STPG2: variants seen among roughly 807,000 people sequenced by gnomAD.
The protein encoded by STPG2 is sperm-tail PG-rich repeat-containing protein 2.
A neutral mutation model predicts 54.2 loss-of-function variants in STPG2; 56 were observed. The ratio of observed to expected loss-of-function variants is 1.03; its 90% CI spans 0.83 to 1.29. The LOEUF (loss-of-function observed/expected upper bound fraction) is 1.29. STPG2 is among the 50% of genes most tolerant of loss of function. The pLI is 0.00. For missense variants in STPG2, 596 were observed against 544.9 expected, an observed-to-expected ratio of 1.09 and a Z score of -0.93; for synonymous variants, 200 against 181.8, an observed-to-expected ratio of 1.10 and a Z score of -0.81.
At chr4:97,653,115 G>GATAGATAGATAGA in intron 10 of STPG2, among the ~76,000 whole-genome samples, 1 of 144,840 alleles carries the variant, frequency 6.9e-6, no homozygotes, top group African/African-American at 2.5e-5. Flanking sequence ...AGATAGATAG[G>GATAGATAGATAGA]TAGATAGATA....
rs181323497 is a variant in STPG2, at chr4:97,613,818, T to C, written c.1321-54701A>G. The stretch of plus-strand genomic sequence containing the variant: ...CTTTTGAGGTTTTTTTCTACCACTT[T>C]CTTATTTTCTGGCACTATGTAAGAT... On this transcript the variant is annotated intron_variant, in intron 10 of 10. Coordinates refer to ENST00000295268, the MANE Select transcript of STPG2 (RefSeq NM_174952.3). 2.6e-3 allele frequency among the ~76,000 whole-genome samples: 396 copies of C among 152,166 alleles called. 1 individual carries two copies. Among genetic ancestry groups the C allele is most frequent in the African/African-American group, 9.3e-3 (385 of 41,526 alleles).
At chr4:97,785,592 G>C (rs2149075955) in intron 9 of STPG2, among the ~76,000 whole-genome samples, 1 of 152,120 alleles carries the variant, frequency 6.6e-6, no homozygotes, top group East Asian at 1.9e-4. Flanking sequence ...TGTTATAGTG[G>C]TTATGACAGA....
intron 9 of STPG2, among the ~76,000 whole-genome samples, chr4:97,764,106 C>A (rs1037996044): frequency 7.8e-6 from 1 of 128,930 alleles, no homozygotes; most frequent in Admixed American, 7.5e-5. Flanking sequence ...CTCCACAACA[C>A]CACATGCACA....
At chr4:97,829,610 G>A (rs1728382017) in intron 9 of STPG2, among the ~76,000 whole-genome samples, 1 of 152,098 alleles carries the variant, frequency 6.6e-6, no homozygotes, top group Non-Finnish European at 1.5e-5. Flanking sequence ...CCAATGCGAG[G>A]AAGCTAAAAA....
At chr4:97,634,504 A>G (rs1411266594) in intron 10 of STPG2, among the ~76,000 whole-genome samples, 1 of 152,236 alleles carries the variant, frequency 6.6e-6, no homozygotes, top group African/African-American at 2.4e-5. Flanking sequence ...GACTTTGACG[A>G]GCTGAGAGAA....
At chr4:97,703,792 A>ATG (rs1355529582) in intron 10 of STPG2, among the ~76,000 whole-genome samples, 1 of 147,256 alleles carries the variant, frequency 6.8e-6, no homozygotes, top group African/African-American at 2.5e-5. Flanking sequence ...GTGTGTATAT[A>ATG]TATGTGTGTG....
At chr4:97,972,207 CAT>C (rs1360681587) in intron 7 of STPG2, 71 bp downstream of exon 7, 13 of 994,100 alleles carry the variant, frequency 1.3e-5, no homozygotes, top group African/African-American at 6.6e-5. Flanking sequence ...TTAATTATAA[CAT>C]GTAATTTCAA....
intron 9 of STPG2, among the ~76,000 whole-genome samples, chr4:97,794,225 T>C (rs1727096074): frequency 1.3e-5 from 2 of 152,144 alleles, no homozygotes; most frequent in Admixed American, 1.3e-4. Context: ...TCAATATCTT[T>C]GCATTTCTTA....
chr4:98,110,954 C>G (rs1739330163), intron 3 of STPG2, among the ~76,000 whole-genome samples: 1 of 152,028 alleles, frequency 6.6e-6, no homozygotes, highest in Non-Finnish European at 1.5e-5. Context: ...CATACCTGCC[C>G]CACCCGACTC....
At chr4:97,580,234 G>A (rs1035796463) in intron 10 of STPG2, among the ~76,000 whole-genome samples, 21 of 151,850 alleles carry the variant, frequency 1.4e-4, no homozygotes, top group Non-Finnish European at 2.5e-4. Flanking sequence ...ATAAGACAGC[G>A]TTAACTCACT....
At chr4:97,608,395 A>C (rs1032707365) in intron 10 of STPG2, among the ~76,000 whole-genome samples, 14 of 152,050 alleles carry the variant, frequency 9.2e-5, no homozygotes, top group African/African-American at 2.7e-4. Context: ...TGGCACAGGT[A>C]TAAGTGAGCT....
intron 3 of STPG2, among the ~76,000 whole-genome samples, chr4:98,120,239 C>A (rs1469937141): frequency 1.3e-5 from 2 of 152,032 alleles, no homozygotes; most frequent in African/African-American, 4.8e-5. Flanking sequence ...TGGTACCACA[C>A]CTGGCTAATG....
At chr4:97,723,560 T>C (rs1028369264) in intron 9 of STPG2, among the ~76,000 whole-genome samples, 6 of 152,212 alleles carry the variant, frequency 3.9e-5, no homozygotes, top group Non-Finnish European at 5.9e-5. Context: ...CTTTAATCCA[T>C]ATAGATTCCA....
intron 1 of STPG2, among the ~76,000 whole-genome samples, chr4:98,137,946 T>G (rs1186420323): frequency 6.6e-6 from 1 of 151,844 alleles, no homozygotes; most frequent in East Asian, 1.9e-4. Context: ...CTACAAAAAA[T>G]TTAAATGTTT....
At chr4:97,743,526 A>C (rs570488187) in intron 9 of STPG2, among the ~76,000 whole-genome samples, 1 of 151,816 alleles carries the variant, frequency 6.6e-6, no homozygotes, top group South Asian at 2.1e-4. Flanking sequence ...TCAATAGTTG[A>C]TCTTTCATTT....
intron 10 of STPG2, among the ~76,000 whole-genome samples, chr4:97,647,683 G>T (rs949133452): frequency 2.0e-5 from 3 of 152,160 alleles, no homozygotes; most frequent in South Asian, 2.1e-4. Flanking sequence ...GCCAAGCAGT[G>T]GTGGGTGGCC....
At chr4:97,477,155 C>T (rs1730092331) in intron 4 of STPG2, among the ~76,000 whole-genome samples, 1 of 152,136 alleles carries the variant, frequency 6.6e-6, no homozygotes, top group Non-Finnish European at 1.5e-5. Flanking sequence ...TATGTAACCC[C>T]TCAGTAAATA....
chr4:97,445,525 T>C (rs2148793774), intron 4 of STPG2, among the ~76,000 whole-genome samples: 1 of 152,356 alleles, frequency 6.6e-6, no homozygotes, highest in South Asian at 2.1e-4. Context: ...TTTTGGCATG[T>C]AATAAATACA....
At chr4:97,557,629 A>G (rs1049830967), downstream of STPG2, among the ~76,000 whole-genome samples, 6 of 152,288 alleles carry the variant, frequency 3.9e-5, no homozygotes, top group Non-Finnish European at 8.8e-5. Flanking sequence ...CACAAAAAGA[A>G]ATAAGGTGGC....
Sources: allele counts gnomAD v4.1 joint callset (sites outside exome capture counted in the v4.1 genomes callset), GRCh38; gene constraint gnomAD v4.1.1; transcripts MANE v1.5; gene names NCBI Gene and HGNC (gene_info 2026-07-23, HGNC 2026-07-21).